The following PGBD5 variants were observed in gnomAD, a reference collection of about 807,000 sequenced individuals.
PGBD5 encodes piggyBac transposable element-derived protein 5.
Under a neutral mutation model 47.9 loss-of-function variants are expected in PGBD5, and 14 were observed. The ratio of observed to expected loss-of-function variants is 0.29; its 90% CI spans 0.19 to 0.46. The LOEUF (loss-of-function observed/expected upper bound fraction) is 0.46. PGBD5 is among the 20% of genes least tolerant of loss of function. The pLI, the probability that PGBD5 is intolerant of heterozygous loss-of-function variation, is 1.00. For synonymous variants in PGBD5, 316 were observed against 306.3 expected (o/e 1.03, Z -0.33); for missense variants, 635 against 716.0 (o/e 0.89, Z 1.29).
In PGBD5 at chr1:230,358,031, AAAAT is replaced by A. The variant is rs1225409030; in HGVS notation, c.332-714_332-711del. 2.6e-5 allele frequency among the ~76,000 whole-genome samples: 4 copies of A among 152,150 alleles called. No individual in the cohort carries two copies. In the East Asian group the frequency reaches 5.8e-4, roughly 22 times the overall value. The stretch of plus-strand genomic sequence containing the variant: ...ACATATATACACATACATACATTTA[AAAAT>A]AAATACAGATATTACAAATACATCG... On this transcript the variant is annotated intron_variant, in intron 1 of 6. Transcript: ENST00000391860.
Position 230,357,887 on chromosome 1 carries a change from G to A in PGBD5, c.332-566C>T, listed in dbSNP as rs1667680335. Among the ~76,000 whole-genome samples the A allele has an allele frequency of 6.6e-6, 1 of 152,106 alleles. No individual in the cohort carries two copies. The highest frequency in any genetic ancestry group is 6.5e-5 in the Admixed American group (1 of 15,284). On this transcript the variant is annotated intron_variant, in intron 1 of 6. Coordinates refer to ENST00000391860, the MANE Select transcript of PGBD5 (RefSeq NM_001258311.2). This position sits in a 1 kb window ranked among gnomAD's most constrained non-coding sequence, Gnocchi z 5.7. ...TACATATAAATTAAAAGCACTGTCT[G>A]CCAGTCTGGGGTACTTCTCCGTACA... is the stretch of plus-strand genomic sequence containing the variant.
In PGBD5 at chr1:230,391,123, T is replaced by C. The variant is rs537125478; in HGVS notation, c.332-33802A>G. Among the ~76,000 whole-genome samples, 5 of 143,428 alleles carry C rather than the reference T, an allele frequency of 3.5e-5. No homozygotes were observed. In the East Asian group the frequency reaches 8.8e-4, roughly 25 times the overall value. 94.1% of individuals were successfully genotyped at this position (143,428 alleles called of 152,430 possible). ...AGTCCATCAGGAAAGCACCAGGGCA[T>C]GTCACCGAGGCAGGACAGTTTGCCT... On this transcript the variant is annotated intron_variant, in intron 1 of 6. Coordinates refer to ENST00000391860, the MANE Select transcript of PGBD5 (RefSeq NM_001258311.2).
intron 1 of PGBD5, among the ~76,000 whole-genome samples, chr1:230,423,872 T>C (rs1558218124): frequency 6.6e-6 from 1 of 152,214 alleles, no homozygotes; most frequent in African/African-American, 2.4e-5. Context: ...TAACGCTAAA[T>C]GACACACGAT....
chr1:230,357,582 C>T lies in PGBD5; in HGVS notation c.332-261G>A, dbSNP rs1039509838. On this transcript the variant is annotated intron_variant, in intron 1 of 6. Coordinates refer to ENST00000391860, the MANE Select transcript of PGBD5 (RefSeq NM_001258311.2). This position sits in a 1 kb window ranked among gnomAD's most constrained non-coding sequence, Gnocchi z 5.7. ...TGGGAGCGCAGCTCCTCCCAGACAC[C>T]ACAGGAACAAACAGCCCTGACACCC... is the stretch of plus-strand genomic sequence containing the variant. Among the ~76,000 whole-genome samples, 2 of 152,144 alleles carry T rather than the reference C, an allele frequency of 1.3e-5. No homozygotes were observed. Among genetic ancestry groups the T allele is most frequent in the African/African-American group, 4.8e-5 (2 of 41,420 alleles).
intron 1 of PGBD5, among the ~76,000 whole-genome samples, chr1:230,399,366 C>T (rs1030432399): frequency 1.3e-5 from 2 of 152,180 alleles, no homozygotes; most frequent in Non-Finnish European, 2.9e-5. Context: ...CGTTCTCCCA[C>T]GGAGCTGACT....
intron 3 of PGBD5, among the ~76,000 whole-genome samples, chr1:230,338,583 G>A (rs911276858): frequency 8.5e-5 from 13 of 152,102 alleles, no homozygotes; most frequent in African/African-American, 2.7e-4. Context: ...GTGATTACCT[G>A]AGGTCAGGAG....
intron 5 of PGBD5, among the ~76,000 whole-genome samples, chr1:230,325,913 ACACAGGGTGACTGCAGAGTCACCCCG>A (rs140224183): frequency 0.024 from 3,614 of 152,186 alleles, 71 homozygotes; most frequent in South Asian, 0.085. Flanking sequence ...TCGTCACCCC[ACACAGGGTGACTGCAGAGTCACCCCG>A]CACAGAGCAC....
At chr1:230,420,524 GA>G (rs758220513) in intron 1 of PGBD5, among the ~76,000 whole-genome samples, 2 of 152,132 alleles carry the variant, frequency 1.3e-5, no homozygotes, top group Non-Finnish European at 2.9e-5. Context: ...GGAGATAACT[GA>G]ATCATGGGGG....
chr1:230,377,613 G>C, intron 1 of PGBD5: 1 of 1,548,688 alleles, frequency 6.5e-7, no homozygotes, highest in Non-Finnish European at 8.7e-7. Flanking sequence ...GAGTTCTGTA[G>C]TCAGGCATAT....
intron 3 of PGBD5, among the ~76,000 whole-genome samples, chr1:230,341,565 C>T (rs1334069646): frequency 6.6e-6 from 1 of 152,158 alleles, no homozygotes; most frequent in Non-Finnish European, 1.5e-5. Flanking sequence ...TGTATTCAGA[C>T]ACTGGGTTGG....
chr1:230,406,224 C>T (rs915216995), intron 1 of PGBD5, among the ~76,000 whole-genome samples: 1 of 146,522 alleles, frequency 6.8e-6, no homozygotes, highest in African/African-American at 2.5e-5. Flanking sequence ...AGGAGAATGG[C>T]GTGAACCCAG....
chr1:230,372,733 G>A (rs567286421), intron 1 of PGBD5, among the ~76,000 whole-genome samples: 5 of 152,298 alleles, frequency 3.3e-5, no homozygotes, highest in East Asian at 1.9e-4. Context: ...ACTCACCCTC[G>A]TCGCGCCATG....
intron 4 of PGBD5, among the ~76,000 whole-genome samples, chr1:230,334,679 G>A (rs1239887631): frequency 1.3e-5 from 2 of 152,236 alleles, no homozygotes; most frequent in African/African-American, 4.8e-5. Flanking sequence ...GACCCTCCCT[G>A]TGGACATGCT....
intron 5 of PGBD5, among the ~76,000 whole-genome samples, chr1:230,329,474 T>C (rs1189044140): frequency 1.3e-5 from 2 of 152,184 alleles, no homozygotes; most frequent in Non-Finnish European, 2.9e-5. Flanking sequence ...AGCTGAGAAG[T>C]AGTCTCTAGA....
At chr1:230,392,184 G>A (rs1305088175) in intron 1 of PGBD5, among the ~76,000 whole-genome samples, 1 of 152,214 alleles carries the variant, frequency 6.6e-6, no homozygotes, top group Non-Finnish European at 1.5e-5. Context: ...GATAACCTCA[G>A]TGCTTCCTGG....
At chr1:230,358,423 A>G (rs1667691795) in intron 1 of PGBD5, among the ~76,000 whole-genome samples, 1 of 152,176 alleles carries the variant, frequency 6.6e-6, no homozygotes, top group Non-Finnish European at 1.5e-5. Context: ...GGCCTGAAAA[A>G]TTCCACCTAG....
In PGBD5 at chr1:230,357,557, T is replaced by G. The variant is rs1173203006; in HGVS notation, c.332-236A>C. Reference sequence around the variant, plus strand: ...ACAGCCAGCTCTCCTGCTGTGTGTGTGGGAGCGCAGCTCCTCCCAGACACC... The same window carrying G: ...ACAGCCAGCTCTCCTGCTGTGTGTGGGGGAGCGCAGCTCCTCCCAGACACC... On this transcript the variant is annotated intron_variant, in intron 1 of 6. Coordinates refer to ENST00000391860, the MANE Select transcript of PGBD5 (RefSeq NM_001258311.2). The surrounding 1 kb of genome is among the most constrained non-coding windows in gnomAD (Gnocchi z 5.7). Among the ~76,000 whole-genome samples the G allele has an allele frequency of 1.3e-5, 2 of 152,208 alleles. No individual in the cohort carries two copies. Among genetic ancestry groups the G allele is most frequent in the Non-Finnish European group, 2.9e-5 (2 of 68,036 alleles).
At chr1:230,408,762 A>C (rs973838310) in intron 1 of PGBD5, among the ~76,000 whole-genome samples, 1 of 152,208 alleles carries the variant, frequency 6.6e-6, no homozygotes, top group African/African-American at 2.4e-5. Context: ...CTCTTAGAAG[A>C]AAGCATAGGG....
intron 1 of PGBD5, among the ~76,000 whole-genome samples, chr1:230,370,120 A>G (rs986361725): frequency 6.6e-6 from 1 of 152,226 alleles, no homozygotes; most frequent in Non-Finnish European, 1.5e-5. Flanking sequence ...CCAGAGGGAA[A>G]GGACGGGGAT....
Sources: gnomAD v4.1 joint callset for allele counts (sites outside exome capture counted in the v4.1 genomes callset) on GRCh38, gnomAD v4.1.1 for gene constraint, Gnocchi (gnomAD v3.1) non-coding constraint, MANE v1.5 for transcripts, NCBI Gene and HGNC (gene_info 2026-07-23, HGNC 2026-07-21) for gene names.